CDH13: variants seen among roughly 807,000 people sequenced by gnomAD.
CDH13 encodes the protein cadherin 13, also known as cadherin-13.
Under a neutral mutation model 63.8 loss-of-function variants are expected in CDH13, and 24 were observed. The observed-to-expected ratio is 0.38, with a 90% CI of 0.27 to 0.53. The LOEUF is 0.53. Ranked by LOEUF, CDH13 falls within the 20% of genes least tolerant of loss-of-function variation. The pLI is 0.85. For missense variants in CDH13, 1,049 were observed against 903.1 expected, an observed-to-expected ratio of 1.16 and a Z score of -2.07; for synonymous variants, 503 against 355.3, an observed-to-expected ratio of 1.42 and a Z score of -4.67.
At chr16:83,164,137 A>G (rs2037561824) in intron 4 of CDH13, among the ~76,000 whole-genome samples, 1 of 150,814 alleles carries the variant, frequency 6.6e-6, no homozygotes, top group Non-Finnish European at 1.5e-5. Context: ...TCCAAACACT[A>G]CAGCGTAGGT....
intron 5 of CDH13, among the ~76,000 whole-genome samples, chr16:83,297,243 C>T (rs995096303): frequency 6.6e-6 from 1 of 152,052 alleles, no homozygotes; most frequent in African/African-American, 2.4e-5. Context: ...ATGCTCTCAA[C>T]ACAAAGAAAT....
At chr16:82,924,966 C>T (rs1191283870) in intron 2 of CDH13, among the ~76,000 whole-genome samples, 1 of 152,106 alleles carries the variant, frequency 6.6e-6, no homozygotes, top group Non-Finnish European at 1.5e-5. Context: ...TCCTTAAAAA[C>T]TTCGCATGAG....
chr16:83,247,255 AG>A (rs1195566699), intron 5 of CDH13, among the ~76,000 whole-genome samples: 6 of 152,190 alleles, frequency 3.9e-5, no homozygotes, highest in Admixed American at 3.9e-4. Context: ...TGTGGGGTCC[AG>A]GACAGGCTGT....
intron 4 of CDH13, among the ~76,000 whole-genome samples, chr16:83,145,983 C>A (rs567065130): frequency 6.6e-6 from 1 of 151,954 alleles, no homozygotes; most frequent in Non-Finnish European, 1.5e-5. Context: ...TACCTGAGGT[C>A]GGGAGTTCGG....
chr16:82,828,485 C>T (rs571663102), intron 1 of CDH13, among the ~76,000 whole-genome samples: 26 of 152,120 alleles, frequency 1.7e-4, no homozygotes, highest in South Asian at 4.2e-4. Flanking sequence ...GGAGTGTTGG[C>T]GGGCACCTGT....
intron 3 of CDH13, among the ~76,000 whole-genome samples, chr16:83,072,238 C>T (rs113973151): frequency 1.4e-4 from 21 of 152,242 alleles, no homozygotes; most frequent in African/African-American, 4.8e-4. Flanking sequence ...ATAAAAGATG[C>T]GGTTAAAGAA....
At chr16:82,748,591 A>G (rs758069171) in intron 1 of CDH13, among the ~76,000 whole-genome samples, 1 of 146,008 alleles carries the variant, frequency 6.8e-6, no homozygotes, top group Non-Finnish European at 1.5e-5. Context: ...GAGCAATGTG[A>G]TGAAGCTGCT....
chr16:83,011,085 T>C (rs754216747), intron 2 of CDH13, among the ~76,000 whole-genome samples: 2 of 152,190 alleles, frequency 1.3e-5, no homozygotes, highest in Non-Finnish European at 2.9e-5. Flanking sequence ...TTCATGCTCA[T>C]GGAACACAGC....
chr16:82,823,349 T>A (rs1460344440), intron 1 of CDH13: 1 of 151,902 alleles, frequency 6.6e-6, no homozygotes, highest in Non-Finnish European at 1.5e-5. Context: ...CTAGAATATA[T>A]AATCTGACGC....
At chr16:83,498,294 A>T (rs1193274306) in intron 7 of CDH13, among the ~76,000 whole-genome samples, 1 of 152,152 alleles carries the variant, frequency 6.6e-6, no homozygotes, top group East Asian at 1.9e-4. Flanking sequence ...AAATAAGGAG[A>T]ATCAGAGGAC....
In CDH13 at chr16:83,130,082, G is replaced by C. The variant is rs555147493; in HGVS notation, c.483+4581G>C. 6.8e-4 allele frequency among the ~76,000 whole-genome samples: 103 copies of C among 152,268 alleles called. 1 individual carries two copies. The highest frequency in any genetic ancestry group is 1.2e-3 in the South Asian group (6 of 4,812). On this transcript the variant is annotated intron_variant, in intron 4 of 13. Coordinates refer to ENST00000567109, the MANE Select transcript of CDH13 (RefSeq NM_001257.5). Reference sequence around the variant, plus strand: ...CTGTTTTTATAAGGAACTGTGCTAGGGGCTGGGAATTTAATGGAGGAGAAA... The same window carrying C: ...CTGTTTTTATAAGGAACTGTGCTAGCGGCTGGGAATTTAATGGAGGAGAAA...
At chr16:83,608,024 C>G (rs1347836815) in intron 8 of CDH13, among the ~76,000 whole-genome samples, 5 of 151,982 alleles carry the variant, frequency 3.3e-5, no homozygotes, top group Non-Finnish European at 7.4e-5. Flanking sequence ...GATTAATAAA[C>G]TCGCTATTAA....
At chr16:83,511,610 T>C (rs143596303) in intron 7 of CDH13, among the ~76,000 whole-genome samples, 7 of 152,316 alleles carry the variant, frequency 4.6e-5, no homozygotes, top group African/African-American at 1.7e-4. Context: ...CATACAAACA[T>C]ATTTATTATG....
intron 7 of CDH13, among the ~76,000 whole-genome samples, chr16:83,592,134 C>T (rs1906820396): frequency 6.6e-6 from 1 of 152,194 alleles, no homozygotes; most frequent in African/African-American, 2.4e-5. Context: ...GTTGGTCTCT[C>T]CCACGGGACT....
intron 3 of CDH13, among the ~76,000 whole-genome samples, chr16:83,070,891 A>C (rs1314996743): frequency 2.2e-5 from 3 of 138,226 alleles, no homozygotes; most frequent in South Asian, 2.7e-4. Context: ...CCTAAACAAC[A>C]GGAGTTTATT....
chr16:83,675,804 T>C (rs1464315944), intron 9 of CDH13, among the ~76,000 whole-genome samples: 1 of 152,170 alleles, frequency 6.6e-6, no homozygotes, highest in Non-Finnish European at 1.5e-5. Flanking sequence ...GGCAGAAATA[T>C]CCAAGAATGT....
At chr16:83,233,059 G>C (rs1282265523) in intron 5 of CDH13, among the ~76,000 whole-genome samples, 2 of 152,166 alleles carry the variant, frequency 1.3e-5, no homozygotes, top group African/African-American at 4.8e-5. Flanking sequence ...CCCTTTTCCA[G>C]ATTGGCGGCA....
At chr16:83,424,950 G>A (rs1465960377) in intron 6 of CDH13, among the ~76,000 whole-genome samples, 2 of 152,158 alleles carry the variant, frequency 1.3e-5, no homozygotes, top group Non-Finnish European at 2.9e-5. Context: ...ATGAACACTT[G>A]GTTGCATTTA....
At chr16:82,684,962 G>A (rs1342808654) in intron 1 of CDH13, among the ~76,000 whole-genome samples, 1 of 129,998 alleles carries the variant, frequency 7.7e-6, no homozygotes, top group African/African-American at 2.8e-5. Context: ...CCTATTTAAT[G>A]TGTAGTATTC....
Sources: allele counts gnomAD v4.1 joint callset (sites outside exome capture counted in the v4.1 genomes callset), GRCh38; gene constraint gnomAD v4.1.1; transcripts MANE v1.5; gene names NCBI Gene and HGNC (gene_info 2026-07-23, HGNC 2026-07-21).